RALGAPA1: variants seen among roughly 807,000 people sequenced by gnomAD.
RALGAPA1 encodes the protein ral GTPase-activating protein subunit alpha-1.
RALGAPA1 carries 52 observed loss-of-function variants against 269.6 expected under a neutral mutation model. The ratio of observed to expected loss-of-function variants is 0.19; its 90% confidence interval spans 0.15 to 0.24. RALGAPA1 has a LOEUF of 0.24. RALGAPA1 is among the 10% of genes least tolerant of loss of function. RALGAPA1 has a pLI of 1.00. For synonymous variants in RALGAPA1, 817 were observed against 1,008.3 expected (o/e 0.81, Z 3.60); for missense variants, 1,917 against 3,013.9 (o/e 0.64, Z 8.52).
intron 35 of RALGAPA1, among the ~76,000 whole-genome samples, chr14:35,606,254 T>C (rs1053488426): frequency 3.9e-5 from 6 of 152,192 alleles, no homozygotes; most frequent in South Asian, 2.1e-4. Context: ...GTGTGAACAT[T>C]ATAGATGTAC....
chr14:35,606,514 T>C (rs971351730), intron 35 of RALGAPA1, among the ~76,000 whole-genome samples: 3 of 152,222 alleles, frequency 2.0e-5, no homozygotes, highest in Non-Finnish European at 4.4e-5. Flanking sequence ...GTTATGCAGC[T>C]TGGTTTACAA....
intron 33 of RALGAPA1, among the ~76,000 whole-genome samples, chr14:35,633,374 T>C (rs1014234421): frequency 6.6e-6 from 1 of 152,194 alleles, no homozygotes; most frequent in Non-Finnish European, 1.5e-5. Context: ...ATACTGCTTG[T>C]TATACCTCTT....
intron 1 of RALGAPA1, among the ~76,000 whole-genome samples, chr14:35,805,123 T>C (rs973940999): frequency 1.3e-5 from 2 of 148,746 alleles, no homozygotes; most frequent in East Asian, 2.0e-4. Flanking sequence ...CCATCTCTAT[T>C]AGGAATACAA....
chr14:35,612,370 CAAA>C (rs1010725263), intron 35 of RALGAPA1, among the ~76,000 whole-genome samples: 3 of 63,328 alleles, frequency 4.7e-5, no homozygotes, highest in Admixed American at 1.7e-4. Context: ...AACTCTGTTT[CAAA>C]AAAAAAAAAA....
chr14:35,748,547 C>T (rs1312286612), intron 10 of RALGAPA1, 38 bp downstream of exon 10: 1 of 1,560,716 alleles, frequency 6.4e-7, no homozygotes, highest in Admixed American at 1.9e-5. Context: ...AAGATAAAAG[C>T]CTTCCTTATA....
intron 1 of RALGAPA1, among the ~76,000 whole-genome samples, chr14:35,806,098 C>T (rs977905133): frequency 2.0e-5 from 3 of 152,060 alleles, no homozygotes; most frequent in Non-Finnish European, 2.9e-5. Context: ...AAAAATTATT[C>T]AATTATGTAC....
intron 8 of RALGAPA1, among the ~76,000 whole-genome samples, chr14:35,751,808 ACAAC>A (rs765971529): frequency 2.2e-3 from 249 of 113,742 alleles, no homozygotes; most frequent in Admixed American, 3.8e-3. Context: ...AACAACAACA[ACAAC>A]AAAAAAAAAC....
intron 31 of RALGAPA1, among the ~76,000 whole-genome samples, chr14:35,636,206 C>T (rs757832501): frequency 4.6e-5 from 7 of 152,102 alleles, no homozygotes; most frequent in Non-Finnish European, 8.8e-5. Context: ...ACCATCATGC[C>T]TGGATGGACA....
intron 20 of RALGAPA1, 102 bp downstream of exon 20, chr14:35,684,827 G>T (rs1439889392): frequency 2.5e-6 from 3 of 1,211,000 alleles, no homozygotes; most frequent in Admixed American, 2.6e-5. Context: ...CACTGCCTAA[G>T]TAACACTGGA....
At chr14:35,561,057 G>A (rs2056169594) in intron 39 of RALGAPA1, among the ~76,000 whole-genome samples, 1 of 151,584 alleles carries the variant, frequency 6.6e-6, no homozygotes, top group Non-Finnish European at 1.5e-5. Flanking sequence ...GTGAAACCCT[G>A]TCACTACTAA....
intron 11 of RALGAPA1, among the ~76,000 whole-genome samples, chr14:35,742,080 A>C (rs2071604950): frequency 6.6e-6 from 1 of 152,238 alleles, no homozygotes. Flanking sequence ...GTAGTACCAC[A>C]GTTTGAAATA....
intron 31 of RALGAPA1, among the ~76,000 whole-genome samples, chr14:35,638,434 C>T (rs929849633): frequency 3.0e-4 from 46 of 151,978 alleles, no homozygotes; most frequent in Non-Finnish European, 4.7e-4. Flanking sequence ...ATATTACTTG[C>T]AAGCCTTATG....
chr14:35,541,702 T>TC, intron 41 of RALGAPA1: 1 of 456,622 alleles, frequency 2.2e-6, no homozygotes, highest in Non-Finnish European at 4.4e-6. Flanking sequence ...TGCATATCAT[T>TC]CCCGGCCATC....
intron 3 of RALGAPA1, among the ~76,000 whole-genome samples, chr14:35,774,092 G>T (rs1043120126): frequency 5.9e-5 from 9 of 151,750 alleles, no homozygotes; most frequent in Middle Eastern, 3.4e-3. Flanking sequence ...TAACTTTTTT[G>T]ATTTTTAATA....
At chr14:35,631,648 A>G (rs578031295) in intron 33 of RALGAPA1, among the ~76,000 whole-genome samples, 1 of 152,224 alleles carries the variant, frequency 6.6e-6, no homozygotes, top group South Asian at 2.1e-4. Context: ...CCACCATAGA[A>G]AAGAGAAGAA....
intron 39 of RALGAPA1, among the ~76,000 whole-genome samples, chr14:35,569,866 A>G (rs1196239257): frequency 6.6e-6 from 1 of 152,144 alleles, no homozygotes; most frequent in Middle Eastern, 3.2e-3. Flanking sequence ...CCCCAACTAG[A>G]TTGAATTATT....
chr14:35,574,651 C>A (rs984028982), intron 37 of RALGAPA1, among the ~76,000 whole-genome samples: 2 of 152,104 alleles, frequency 1.3e-5, no homozygotes, highest in African/African-American at 2.4e-5. Context: ...AGTAATTAGA[C>A]ACAAATTGAG....
At chr14:35,779,288 G>A (rs1232901248) in intron 1 of RALGAPA1, among the ~76,000 whole-genome samples, 1 of 152,108 alleles carries the variant, frequency 6.6e-6, no homozygotes. Context: ...TACTTTAGGA[G>A]GCTGAAGTGG....
intron 6 of RALGAPA1, among the ~76,000 whole-genome samples, chr14:35,757,547 T>C (rs141131974): frequency 1.8e-4 from 28 of 152,310 alleles, no homozygotes; most frequent in African/African-American, 6.5e-4. Flanking sequence ...TCTGGTAATT[T>C]CAAATTCACA....
Sources: gnomAD v4.1 joint callset for allele counts (sites outside exome capture counted in the v4.1 genomes callset) on GRCh38, gnomAD v4.1.1 for gene constraint, MANE v1.5 for transcripts, NCBI Gene and HGNC (gene_info 2026-07-23, HGNC 2026-07-21) for gene names.